DGKI: variants seen among roughly 807,000 people sequenced by gnomAD.
DGKI encodes the protein DAG kinase iota.
In DGKI, 55 loss-of-function variants were observed where a neutral mutation model predicts 147.5. The observed-to-expected ratio is 0.37, with a 90% CI of 0.30 to 0.47. The LOEUF (loss-of-function observed/expected upper bound fraction) is 0.47, where lower values mean the gene tolerates loss of function less well. Ranked by LOEUF, DGKI falls within the 20% of genes least tolerant of loss-of-function variation. The pLI is 1.00. For synonymous variants in DGKI, 469 were observed against 477.1 expected, an observed-to-expected ratio of 0.98 and a Z score of 0.22; for missense variants, 1,007 against 1,323.8, an observed-to-expected ratio of 0.76 and a Z score of 3.71.
chr7:137,740,942 T>G (rs1198527482), intron 1 of DGKI, among the ~76,000 whole-genome samples: 2 of 152,156 alleles, frequency 1.3e-5, no homozygotes, highest in Non-Finnish European at 1.5e-5. Flanking sequence ...ACACGCTGAG[T>G]AACTAGGTAA....
At chr7:137,504,257 G>T (rs1210720477) in intron 21 of DGKI, among the ~76,000 whole-genome samples, 1 of 152,160 alleles carries the variant, frequency 6.6e-6, no homozygotes, top group Non-Finnish European at 1.5e-5. Context: ...TTTTTAAAAA[G>T]ATTTAATTAT....
chr7:137,462,975 C>T (rs1347464427), intron 27 of DGKI, among the ~76,000 whole-genome samples: 1 of 152,180 alleles, frequency 6.6e-6, no homozygotes, highest in African/African-American at 2.4e-5. Context: ...GTACTGCTTA[C>T]CCACAGAGAC....
At chr7:137,449,171 GAATAGCCAAAGC>G (rs1813848853) in intron 27 of DGKI, among the ~76,000 whole-genome samples, 1 of 152,192 alleles carries the variant, frequency 6.6e-6, no homozygotes, top group East Asian at 1.9e-4. Flanking sequence ...AGAAGACCCT[GAATAGCCAAAGC>G]AATCTAGAGC....
intron 21 of DGKI, among the ~76,000 whole-genome samples, chr7:137,508,244 T>C (rs989907922): frequency 2.2e-4 from 32 of 145,784 alleles, no homozygotes; most frequent in East Asian, 3.9e-4. Context: ...TTTTTTTTTT[T>C]TGAGACGGAG....
At chr7:137,562,305 G>T (rs1477439170) in intron 19 of DGKI, among the ~76,000 whole-genome samples, 1 of 152,224 alleles carries the variant, frequency 6.6e-6, no homozygotes, top group African/African-American at 2.4e-5. Context: ...GGAGGCCAAG[G>T]TGGGCAGATC....
chr7:137,796,558 A>T (rs1481495909), intron 1 of DGKI, among the ~76,000 whole-genome samples: 1 of 152,200 alleles, frequency 6.6e-6, no homozygotes, highest in Non-Finnish European at 1.5e-5. Context: ...CTAGAGAGTT[A>T]AAGGAAAATA....
chr7:137,485,061 T>C (rs889902707), intron 23 of DGKI, among the ~76,000 whole-genome samples: 3 of 152,034 alleles, frequency 2.0e-5, no homozygotes, highest in Admixed American at 2.0e-4. Flanking sequence ...TTTTTGCTTA[T>C]GTGAACCAAG....
chr7:137,491,258 G>C (rs1426424414), intron 21 of DGKI, among the ~76,000 whole-genome samples: 1 of 152,154 alleles, frequency 6.6e-6, no homozygotes, highest in Non-Finnish European at 1.5e-5. Context: ...CACCCATTGT[G>C]GAAAGGCACA....
intron 27 of DGKI, among the ~76,000 whole-genome samples, chr7:137,463,162 C>T (rs1814515353): frequency 1.3e-5 from 2 of 152,220 alleles, no homozygotes; most frequent in Non-Finnish European, 2.9e-5. Context: ...TCATGCATGT[C>T]TTTATGATGT....
At chr7:137,560,930 C>A (rs1818398582) in intron 19 of DGKI, among the ~76,000 whole-genome samples, 1 of 152,104 alleles carries the variant, frequency 6.6e-6, no homozygotes, top group African/African-American at 2.4e-5. Flanking sequence ...GTCATTTGTT[C>A]TCAGCAGCAA....
At chr7:137,433,980 A>G (rs2011937) in intron 28 of DGKI, among the ~76,000 whole-genome samples, 64,765 of 151,972 alleles carry the variant, frequency 0.43, 14,411 homozygotes, top group East Asian at 0.75. Flanking sequence ...TTAGCCGGCC[A>G]TGGTAGCACA....
At chr7:137,722,094 G>C (rs548289760) in intron 1 of DGKI, 12 of 1,598,380 alleles carry the variant, frequency 7.5e-6, no homozygotes, top group African/African-American at 5.3e-5. Context: ...AGGCTAAAAA[G>C]CCCAAGAAGG....
chr7:137,791,435 A>G (rs572259385), intron 1 of DGKI, among the ~76,000 whole-genome samples: 26 of 152,312 alleles, frequency 1.7e-4, no homozygotes, highest in Admixed American at 1.6e-3. Context: ...ATTAAACACT[A>G]AAGAAAAGGC....
rs776113724 is a variant in DGKI, at chr7:137,412,193, C to T, written c.2776G>A (p.Val926Ile). ...ACCTTCATAAGATCACCAGCTATTA[C>T]TGCCTGCAAAATTGCTGTGAAAGAC... is the stretch of plus-strand genomic sequence containing the variant. ...SSEDHAILQA[V>I]IAGDLMKLIE... Residue 926 changes from valine (V) to isoleucine (I), a missense_variant, in exon 29 of 33, where the codon GTA becomes ATA. By Grantham distance (29) the Val-to-Ile change is conservative. This residue lies in a region of DGKI where 385 missense variants were observed against 445.2 expected (regional missense o/e 0.86). Coordinates refer to ENST00000614521, the MANE Select transcript of DGKI (RefSeq NM_001321708.2). 6.2e-7 allele frequency: 1 copy of T among 1,613,912 alleles called. No homozygotes were observed. The highest frequency in any genetic ancestry group is 1.7e-5 in the Admixed American group (1 of 60,016).
intron 1 of DGKI, among the ~76,000 whole-genome samples, chr7:137,700,055 A>G (rs1823923412): frequency 6.6e-6 from 1 of 152,194 alleles, no homozygotes; most frequent in Non-Finnish European, 1.5e-5. Flanking sequence ...GTCTGTGGTG[A>G]CAGGCAAAGA....
intron 1 of DGKI, among the ~76,000 whole-genome samples, chr7:137,721,807 C>T (rs1794565169): frequency 6.6e-6 from 1 of 152,178 alleles, no homozygotes; most frequent in Non-Finnish European, 1.5e-5. Context: ...GCCCTGGTTA[C>T]ACTAAACCTG....
At position 137,846,950 on chromosome 7, in the gene DGKI, G is replaced by T; in HGVS notation, c.-88C>A. The T allele has an allele frequency of 1.0e-6, 1 of 963,030 alleles. No homozygotes were observed. The highest frequency in any genetic ancestry group is 1.3e-6 in the Non-Finnish European group (1 of 798,688). 59.7% of individuals were successfully genotyped at this position (963,030 alleles called of 1,614,324 possible). ...CAGAGGCCGCCGCTCCCCGCCTCCC[G>T]CGCCCTCCCGCGCCGGCCCGCACCC... On this transcript the variant is annotated 5_prime_UTR_variant, in exon 1 of 33. Coordinates refer to ENST00000614521, the MANE Select transcript of DGKI (RefSeq NM_001321708.2). This position sits in a 1 kb window ranked among gnomAD's most constrained non-coding sequence, Gnocchi z 4.0.
At chr7:137,459,902 T>C (rs1315773052) in intron 27 of DGKI, among the ~76,000 whole-genome samples, 2 of 152,230 alleles carry the variant, frequency 1.3e-5, no homozygotes, top group African/African-American at 4.8e-5. Flanking sequence ...TTTATCAAAT[T>C]GAATGCTTTG....
At chr7:137,582,036 G>A in intron 14 of DGKI, 108 bp from the exon 15 acceptor site, 1 of 742,040 alleles carries the variant, frequency 1.3e-6, no homozygotes, top group Non-Finnish European at 2.2e-6. Flanking sequence ...CTAGGAGACA[G>A]ATCAGCCACA....
Sources: allele counts gnomAD v4.1 joint callset (sites outside exome capture counted in the v4.1 genomes callset), GRCh38; gene constraint gnomAD v4.1.1; regional missense constraint gnomAD v4.1.1; non-coding constraint Gnocchi (gnomAD v3.1); transcripts MANE v1.5; gene names NCBI Gene and HGNC (gene_info 2026-07-23, HGNC 2026-07-21).